TTLL7: variants seen among roughly 807,000 people sequenced by gnomAD.
TTLL7 encodes the protein tubulin tyrosine ligase like 7.
TTLL7 carries 53 observed loss-of-function variants against 120.2 expected under a neutral mutation model. The observed-to-expected ratio is 0.44, with a 90% CI of 0.35 to 0.55. TTLL7 has a LOEUF of 0.55. Ranked by LOEUF, TTLL7 falls within the 20% of genes least tolerant of loss-of-function variation. The pLI is 0.00. For synonymous variants in TTLL7, 353 were observed against 351.7 expected, an observed-to-expected ratio of 1.00 and a Z score of -0.04; for missense variants, 803 against 1,054.7, an observed-to-expected ratio of 0.76 and a Z score of 3.31.
chr1:83,952,632 TA>T (rs1649162663), intron 1 of TTLL7, among the ~76,000 whole-genome samples: 1 of 152,140 alleles, frequency 6.6e-6, no homozygotes, highest in Admixed American at 6.6e-5. Context: ...CAATAAATAA[TA>T]TACTATACAC....
At chr1:83,968,023 C>T (rs1650640350) in intron 1 of TTLL7, among the ~76,000 whole-genome samples, 1 of 152,032 alleles carries the variant, frequency 6.6e-6, no homozygotes, top group South Asian at 2.1e-4. Flanking sequence ...TTCCCACACA[C>T]CACCACCCTC....
At chr1:83,926,065 G>C (rs1659080884) in intron 10 of TTLL7, among the ~76,000 whole-genome samples, 1 of 146,572 alleles carries the variant, frequency 6.8e-6, no homozygotes. Flanking sequence ...AGGTTGCAGT[G>C]AACCAAGAGC....
At chr1:83,943,533 T>C (rs776948940) in intron 6 of TTLL7, among the ~76,000 whole-genome samples, 4 of 152,204 alleles carry the variant, frequency 2.6e-5, no homozygotes, top group Non-Finnish European at 4.4e-5. Context: ...GTTGTTTGTT[T>C]TGTTCTGTTT....
chr1:83,951,765 G>A (rs1373108997), intron 3 of TTLL7, 80 bp downstream of exon 3: 5 of 1,449,920 alleles, frequency 3.4e-6, no homozygotes, highest in Non-Finnish European at 4.6e-6. Context: ...TATCTCTTTG[G>A]ATTTCTACAT....
chr1:83,905,978 T>C (rs1048994172), intron 17 of TTLL7, among the ~76,000 whole-genome samples: 1 of 152,086 alleles, frequency 6.6e-6, no homozygotes, highest in Non-Finnish European at 1.5e-5. Flanking sequence ...TCCATATTAG[T>C]TCTTTCTAAA....
intron 3 of TTLL7, among the ~76,000 whole-genome samples, chr1:83,950,214 T>C (rs1207447791): frequency 1.3e-5 from 2 of 152,164 alleles, no homozygotes; most frequent in Admixed American, 1.3e-4. Flanking sequence ...CTTTCGATCT[T>C]CTCAGGTTTA....
At chr1:83,966,143 A>G (rs991970439) in intron 1 of TTLL7, among the ~76,000 whole-genome samples, 3 of 151,938 alleles carry the variant, frequency 2.0e-5, no homozygotes, top group African/African-American at 7.2e-5. Flanking sequence ...ATGACTCTCC[A>G]TAAATAATGT....
At chr1:83,987,568 C>T (rs951516247) in intron 1 of TTLL7, among the ~76,000 whole-genome samples, 7 of 151,854 alleles carry the variant, frequency 4.6e-5, no homozygotes, top group African/African-American at 1.7e-4. Context: ...AAGAATACTA[C>T]TGTGGACTTT....
chr1:83,973,263 G>A lies in TTLL7; in HGVS notation c.-176-20876C>T, dbSNP rs184167923. 4.5e-3 allele frequency among the ~76,000 whole-genome samples: 692 copies of A among 152,152 alleles called. 5 individuals are homozygous for A. The highest frequency in any genetic ancestry group is 8.6e-3 in the Non-Finnish European group (586 of 67,948). On this transcript the variant is annotated intron_variant, in intron 1 of 20. Transcript: ENST00000260505. ...AATTTTTGTGAAGAGTGTAAAGCCT[G>A]TGTATAAATTCATCTTTTTGCATGT...
intron 1 of TTLL7, among the ~76,000 whole-genome samples, chr1:83,975,082 G>A (rs148479860): frequency 6.6e-6 from 1 of 152,164 alleles, no homozygotes; most frequent in East Asian, 1.9e-4. Flanking sequence ...CTATTACATA[G>A]TGAGCATTAT....
intron 1 of TTLL7, chr1:83,983,873 T>C (rs1279638921): frequency 2.0e-5 from 3 of 152,142 alleles, no homozygotes; most frequent in Non-Finnish European, 4.4e-5. Flanking sequence ...GGAAGAGAGC[T>C]GGAGCCCAGA....
At chr1:83,944,317 A>C (rs763051536) in intron 6 of TTLL7, among the ~76,000 whole-genome samples, 1 of 152,212 alleles carries the variant, frequency 6.6e-6, no homozygotes. Flanking sequence ...AATTACCTCC[A>C]AGTAGGATAA....
At chr1:83,901,241 T>G (rs779343486) in intron 18 of TTLL7, among the ~76,000 whole-genome samples, 5 of 152,018 alleles carry the variant, frequency 3.3e-5, no homozygotes, top group Non-Finnish European at 7.4e-5. Flanking sequence ...CTGCTGATCT[T>G]TTCCTAAGAT....
chr1:83,871,882 G>A (rs888029305), intron 20 of TTLL7, among the ~76,000 whole-genome samples: 9 of 122,986 alleles, frequency 7.3e-5, no homozygotes, highest in Middle Eastern at 6.8e-3. Flanking sequence ...GGGCGACAGA[G>A]CAAGACTCCA....
chr1:83,917,090 C>T (rs1420627105), intron 14 of TTLL7, among the ~76,000 whole-genome samples: 19 of 147,412 alleles, frequency 1.3e-4, no homozygotes, highest in African/African-American at 4.6e-4. Flanking sequence ...GAGAGTGAGA[C>T]CCTGTTATCA....
chr1:83,986,617 G>T (rs536900906), intron 1 of TTLL7, among the ~76,000 whole-genome samples: 5 of 152,180 alleles, frequency 3.3e-5, no homozygotes, highest in Non-Finnish European at 7.3e-5. Flanking sequence ...GGCCGAGGCC[G>T]GTGTATCACC....
At chr1:83,893,502 T>G (rs1191558441) in intron 18 of TTLL7, among the ~76,000 whole-genome samples, 1 of 151,200 alleles carries the variant, frequency 6.6e-6, no homozygotes, top group Non-Finnish European at 1.5e-5. Flanking sequence ...CAAATGAAAG[T>G]GGAAGATGAA....
chr1:83,977,018 T>C (rs1021161262), intron 1 of TTLL7, among the ~76,000 whole-genome samples: 14 of 152,006 alleles, frequency 9.2e-5, no homozygotes, highest in African/African-American at 3.4e-4. Flanking sequence ...CTTAATTTTA[T>C]TGAAATACCG....
At chr1:83,906,155 T>C (rs1336793587) in intron 17 of TTLL7, among the ~76,000 whole-genome samples, 174 bp downstream of exon 17, 1 of 152,024 alleles carries the variant, frequency 6.6e-6, no homozygotes, top group African/African-American at 2.4e-5. Flanking sequence ...TGTCCATGAA[T>C]TGTAACAATT....
Sources: gnomAD v4.1 joint callset for allele counts (sites outside exome capture counted in the v4.1 genomes callset) on GRCh38, gnomAD v4.1.1 for gene constraint, MANE v1.5 for transcripts, NCBI Gene and HGNC (gene_info 2026-07-23, HGNC 2026-07-21) for gene names.